VNN1: variants seen among roughly 807,000 people sequenced by gnomAD.
VNN1 encodes the protein pantetheinase.
In VNN1, 29 loss-of-function variants were observed where a neutral mutation model predicts 41.9. The ratio of observed to expected loss-of-function variants is 0.69; its 90% CI spans 0.52 to 0.94. The LOEUF (loss-of-function observed/expected upper bound fraction) is 0.94. VNN1 is among the 40% of genes least tolerant of loss of function. The pLI is 0.00. For synonymous variants in VNN1, 233 were observed against 224.4 expected, an observed-to-expected ratio of 1.04 and a Z score of -0.34; for missense variants, 637 against 621.1, an observed-to-expected ratio of 1.03 and a Z score of -0.27.
intron 5 of VNN1, among the ~76,000 whole-genome samples, chr6:132,688,232 A>G (rs1367130092): frequency 6.6e-6 from 1 of 152,306 alleles, no homozygotes; most frequent in South Asian, 2.1e-4. Context: ...ACATAAGGCT[A>G]TAACATTTTT....
chr6:132,684,423 A>AT lies in VNN1; in HGVS notation c.1270dup (p.Met424AsnfsTer16). 6.2e-7 allele frequency: 1 copy of AT among 1,614,096 alleles called. No individual in the cohort carries two copies. Among genetic ancestry groups the AT allele is most frequent in the African/African-American group, 1.3e-5 (1 of 75,052 alleles). On this transcript the variant is annotated frameshift_variant, in exon 6 of 7. Coordinates refer to ENST00000367928, the MANE Select transcript of VNN1 (RefSeq NM_004666.3). LOFTEE classifies it high-confidence loss of function. ...TCCGAAAGTGCCACTGAGGGAGAAC[A>AT]TTTCAAACCTGGTAGAAGCTGTTTC...
intron 2 of VNN1, among the ~76,000 whole-genome samples, chr6:132,710,329 C>T (rs1352454466): frequency 6.6e-6 from 1 of 152,146 alleles, no homozygotes; most frequent in East Asian, 1.9e-4. Flanking sequence ...GAATTACAGG[C>T]ATGAGTCACC....
chr6:132,712,947 C>A lies in VNN1; in HGVS notation c.210+879G>T, dbSNP rs546071377. 1.2e-4 allele frequency among the ~76,000 whole-genome samples: 19 copies of A among 152,232 alleles called. No homozygotes were observed. The South Asian group carries it at 3.7e-3, about 30-fold the overall frequency. ...GTCAGGAGTTCAAGTACAGCGTGGG[C>A]AACATGGCAAAATCCCATCTCTACA... On this transcript the variant is annotated intron_variant, in intron 1 of 6. Coordinates refer to ENST00000367928, the MANE Select transcript of VNN1 (RefSeq NM_004666.3).
chr6:132,693,323 AAACAG>A lies in VNN1; in HGVS notation c.535-13_535-9del. The A allele has an allele frequency of 6.3e-7, 1 of 1,585,796 alleles. No homozygotes were observed. The highest frequency in any genetic ancestry group is 8.6e-7 in the Non-Finnish European group (1 of 1,167,730). On this transcript the variant is annotated splice_polypyrimidine_tract_variant and intron_variant, in intron 3 of 6. Transcript: ENST00000367928. The stretch of plus-strand genomic sequence containing the variant: ...ACCCATGAAAAGGTTTTGCTGCAAT[AAACAG>A]AAGATAAAGAGAAAAAAATTATTTT...
At chr6:132,706,590 G>A (rs1327058633) in intron 2 of VNN1, among the ~76,000 whole-genome samples, 2 of 152,108 alleles carry the variant, frequency 1.3e-5, no homozygotes, top group Non-Finnish European at 2.9e-5. Context: ...CAGGACATTG[G>A]TCTGGACAAA....
chr6:132,705,184 T>C (rs1296528251), intron 2 of VNN1, among the ~76,000 whole-genome samples: 1 of 145,068 alleles, frequency 6.9e-6, no homozygotes, highest in Non-Finnish European at 1.6e-5. Context: ...ATGAGGCTAG[T>C]ATTATACTAT....
chr6:132,712,966 C>T (rs1215874904), intron 1 of VNN1, among the ~76,000 whole-genome samples: 1 of 152,120 alleles, frequency 6.6e-6, no homozygotes, highest in Non-Finnish European at 1.5e-5. Flanking sequence ...AAAATCCCAT[C>T]TCTACAAAAA....
chr6:132,683,444 G>T, intron 6 of VNN1, 122 bp from the exon 7 acceptor site: 2 of 1,056,372 alleles, frequency 1.9e-6, no homozygotes, highest in Non-Finnish European at 1.4e-6. Flanking sequence ...CATTCTATCA[G>T]AAAAATTTGA....
At chr6:132,711,357 A>G (rs895530873) in intron 2 of VNN1, among the ~76,000 whole-genome samples, 6 of 152,200 alleles carry the variant, frequency 3.9e-5, no homozygotes, top group African/African-American at 1.4e-4. Context: ...TAGCAATGAG[A>G]AAGGAAAACT....
In VNN1 at chr6:132,683,217, A is replaced by G; in HGVS notation, c.1465T>C (p.Ser489Pro). ...LYEKDWASNA[S>P]SGLTAQARII... ...CTTGCTTGTGCTGTGAGGCCTGATG[A>G]AGCATTTGATGCCCAGTCCTTCTCA... The change falls in exon 7 of 7, where the codon TCA becomes CCA. Residue 489 changes from serine to proline, a missense_variant. Physicochemically the swap from Ser to Pro is moderately conservative, Grantham distance 74. Transcript: ENST00000367928. 2 of 1,614,156 alleles carry G rather than the reference A, an allele frequency of 1.2e-6. No individual in the cohort carries two copies. Among genetic ancestry groups the G allele is most frequent in the Non-Finnish European group, 1.7e-6 (2 of 1,180,004 alleles).
rs370743968 is a variant in VNN1, at chr6:132,710,484, T to C, written c.341+1225A>G. Among the ~76,000 whole-genome samples the C allele has an allele frequency of 5.9e-5, 9 of 152,290 alleles. No homozygotes were observed. In the East Asian group the frequency reaches 1.7e-3, roughly 29 times the overall value. ...GTTTGCTGCACCCACCAACCCATCA[T>C]CTACATTAGGTATTTCTCCTAATGC... On this transcript the variant is annotated intron_variant, in intron 2 of 6. Coordinates refer to ENST00000367928, the MANE Select transcript of VNN1 (RefSeq NM_004666.3).
chr6:132,688,615 C>T (rs1160155263), intron 5 of VNN1, among the ~76,000 whole-genome samples: 1 of 151,976 alleles, frequency 6.6e-6, no homozygotes, highest in Non-Finnish European at 1.5e-5. Context: ...TTGTGACCAA[C>T]TTTTTTTAAC....
At chr6:132,702,675 G>T (rs1778464564) in intron 2 of VNN1, among the ~76,000 whole-genome samples, 1 of 152,144 alleles carries the variant, frequency 6.6e-6, no homozygotes, top group Non-Finnish European at 1.5e-5. Flanking sequence ...TTGGATAACA[G>T]CTCAACCACA....
chr6:132,708,585 C>T (rs1778552055), intron 2 of VNN1, among the ~76,000 whole-genome samples: 1 of 152,152 alleles, frequency 6.6e-6, no homozygotes, highest in African/African-American at 2.4e-5. Flanking sequence ...AGATCTGATT[C>T]TATGAGAGCA....
At chr6:132,687,306 G>C (rs1425627078) in intron 5 of VNN1, among the ~76,000 whole-genome samples, 13 of 152,208 alleles carry the variant, frequency 8.5e-5, no homozygotes, top group Non-Finnish European at 1.9e-4. Flanking sequence ...AAATTTAAGA[G>C]GAAAGGCAGT....
Position 132,683,341 on chromosome 6 carries a change from T to C in VNN1, c.1360-19A>G. 6.2e-7 allele frequency: 1 copy of C among 1,602,456 alleles called. No individual in the cohort carries two copies. The highest frequency in any genetic ancestry group is 8.5e-7 in the Non-Finnish European group (1 of 1,176,474). ...TTGACACCTGATTAAAACAAAAAAGTAGGCAAAGGCTACCTTCAAGTTTTA... is the reference window on the plus strand; with the variant it reads ...TTGACACCTGATTAAAACAAAAAAGCAGGCAAAGGCTACCTTCAAGTTTTA... On this transcript the variant is annotated intron_variant, in intron 6 of 6. Transcript: ENST00000367928.
chr6:132,700,617 G>T (rs1778437425), intron 2 of VNN1, among the ~76,000 whole-genome samples: 1 of 152,156 alleles, frequency 6.6e-6, no homozygotes, highest in Admixed American at 6.5e-5. Flanking sequence ...ACCAAGAAGG[G>T]CACCCTGGGG....
chr6:132,697,559 C>T lies in VNN1; in HGVS notation c.342-3377G>A, dbSNP rs191721823. On this transcript the variant is annotated intron_variant, in intron 2 of 6. Coordinates refer to ENST00000367928, the MANE Select transcript of VNN1 (RefSeq NM_004666.3). ...TATTTAACATATTGCTATATTTATC[C>T]TCTATTGCACAACTCTGAAATGATA... Among the ~76,000 whole-genome samples, 475 of 151,354 alleles carry T rather than the reference C, an allele frequency of 3.1e-3. 3 individuals are homozygous for T. Among genetic ancestry groups the T allele is most frequent in the Non-Finnish European group, 5.0e-3 (342 of 67,848 alleles).
intron 3 of VNN1, 38 bp downstream of exon 3, chr6:132,693,952 G>T (rs768757266): frequency 1.9e-6 from 3 of 1,607,200 alleles, no homozygotes; most frequent in Non-Finnish European, 2.6e-6. Context: ...TATTTCATTA[G>T]GCATTAACTA....
Sources: allele counts gnomAD v4.1 joint callset (sites outside exome capture counted in the v4.1 genomes callset), GRCh38; gene constraint gnomAD v4.1.1; transcripts MANE v1.5; gene names NCBI Gene and HGNC (gene_info 2026-07-23, HGNC 2026-07-21).